The following SETD2 variants were observed in gnomAD, a reference collection of about 807,000 sequenced individuals.
SETD2 encodes the protein histone-lysine N-methyltransferase SETD2.
A neutral mutation model predicts 242.1 loss-of-function variants in SETD2; 31 were observed. That is an observed-to-expected ratio of 0.13 (90% CI 0.10 to 0.17). The LOEUF (loss-of-function observed/expected upper bound fraction) is 0.17. Ranked by LOEUF, SETD2 falls within the 10% of genes least tolerant of loss-of-function variation. SETD2 has a pLI of 1.00. For synonymous variants in SETD2, 1,006 were observed against 1,066.5 expected (o/e 0.94, Z 1.11); for missense variants, 2,481 against 3,046.3 (o/e 0.81, Z 4.37).
intron 7 of SETD2, among the ~76,000 whole-genome samples, chr3:47,102,061 T>C (rs1390698095): frequency 1.3e-5 from 2 of 152,342 alleles, no homozygotes; most frequent in Middle Eastern, 3.4e-3. Flanking sequence ...TGGCTGAGTA[T>C]AGTGAAAGGG....
intron 5 of SETD2, among the ~76,000 whole-genome samples, chr3:47,109,395 C>T (rs1427085336): frequency 1.3e-5 from 2 of 152,100 alleles, no homozygotes; most frequent in African/African-American, 2.4e-5. Context: ...CCTGTAATAC[C>T]AGAACTTTGG....
chr3:47,045,094 A>G (rs2039461086), intron 16 of SETD2, among the ~76,000 whole-genome samples: 1 of 152,202 alleles, frequency 6.6e-6, no homozygotes, highest in African/African-American at 2.4e-5. Flanking sequence ...TGGTCTAGGA[A>G]ATTGTTACTT....
At chr3:47,153,163 T>TTAAAATTTAATTTTA (rs779992484) in intron 1 of SETD2, among the ~76,000 whole-genome samples, 4,606 of 152,160 alleles carry the variant, frequency 0.03, 230 homozygotes, top group East Asian at 0.13. Flanking sequence ...AGTGATTATC[T>TTAAAATTTAATTTTA]AATTTTTAAA....
In SETD2 at chr3:47,123,699, G is replaced by T; in HGVS notation, c.937C>A (p.Gln313Lys). 6.4e-7 allele frequency: 1 copy of T among 1,551,392 alleles called. No individual in the cohort carries two copies. Residue 313 changes from glutamine (Q) to lysine (K), a missense_variant, in exon 3 of 21, where the codon CAA becomes AAA. Gln to Lys is a moderately conservative substitution (Grantham distance 53). Coordinates refer to ENST00000409792, the MANE Select transcript of SETD2 (RefSeq NM_014159.7). ...KKTGSKKKSSQSEGIFLGSES... is the reference protein window; with the variant it reads ...KKTGSKKKSSKSEGIFLGSES... ...GAACCAAGAAAGATGCCTTCAGATT[G>T]TGAGGATTTCTTCTTAGAACCTGTT...
chr3:47,056,012 C>CAAAAAAA (rs1167181294), intron 15 of SETD2, among the ~76,000 whole-genome samples: 7 of 39,556 alleles, frequency 1.8e-4, no homozygotes, highest in Admixed American at 5.2e-4. Flanking sequence ...GACTCCGTCT[C>CAAAAAAA]AAAAAAAAAA....
At chr3:47,050,568 C>T (rs138518076) in intron 15 of SETD2, among the ~76,000 whole-genome samples, 121 of 152,084 alleles carry the variant, frequency 8.0e-4, no homozygotes, top group African/African-American at 2.8e-3. Context: ...AGGAAATACT[C>T]GCTGGAATAT....
chr3:47,111,800 G>A (rs560462700), intron 5 of SETD2, among the ~76,000 whole-genome samples: 7 of 150,534 alleles, frequency 4.7e-5, no homozygotes, highest in Non-Finnish European at 8.9e-5. Flanking sequence ...GAGGATTCCT[G>A]TCATAAAACT....
At chr3:47,128,772 T>C (rs2043409000) in intron 1 of SETD2, among the ~76,000 whole-genome samples, 1 of 152,194 alleles carries the variant, frequency 6.6e-6, no homozygotes, top group Non-Finnish European at 1.5e-5. Context: ...GGTATAATAG[T>C]TTTAACTGAA....
At position 47,056,094 on chromosome 3, in the gene SETD2, T is replaced by A. The variant is rs201403678; in HGVS notation, c.6963+727A>T. On this transcript the variant is annotated intron_variant, in intron 15 of 20. Coordinates refer to ENST00000409792, the MANE Select transcript of SETD2 (RefSeq NM_014159.7). ...AAAAAAAAAGAAAAGAAAACATGAT[T>A]TTTATTTATTTATTTATTTATTTAT... is the stretch of plus-strand genomic sequence containing the variant. Among the ~76,000 whole-genome samples, 23 of 116,418 alleles carry A rather than the reference T, an allele frequency of 2.0e-4. 1 individual carries two copies. Among genetic ancestry groups the A allele is most frequent in the East Asian group, 5.6e-4 (2 of 3,544 alleles). The allele number at this position is 116,418 out of a possible 152,430, so 76.4% of individuals were successfully genotyped here.
chr3:47,032,248 A>G (rs1193261311), intron 18 of SETD2, among the ~76,000 whole-genome samples: 1 of 151,974 alleles, frequency 6.6e-6, no homozygotes, highest in Non-Finnish European at 1.5e-5. Context: ...GTGGTGGCTC[A>G]CACCTATAAT....
chr3:47,044,589 T>C (rs2039439030), intron 16 of SETD2, among the ~76,000 whole-genome samples: 1 of 152,168 alleles, frequency 6.6e-6, no homozygotes, highest in Non-Finnish European at 1.5e-5. Flanking sequence ...GACCATGCTA[T>C]TCTGTTTAGT....
Position 47,086,413 on chromosome 3 carries a change from T to G in SETD2, c.5278-99A>C, listed in dbSNP as rs1188442190. On this transcript the variant is annotated intron_variant, in intron 10 of 20. Transcript: ENST00000409792. The stretch of plus-strand genomic sequence containing the variant: ...GAGTTCATGTATACGTTACACATTA[T>G]AGGGTTCACTTACATTCACAAAAAA... The G allele has an allele frequency of 3.3e-6, 4 of 1,197,476 alleles. No homozygotes were observed. The East Asian group carries it at 1.0e-4, about 31-fold the overall frequency. 74.2% of individuals were successfully genotyped at this position (1,197,476 alleles called of 1,614,324 possible). A position where few individuals can be genotyped will look rare whatever the true frequency, so the allele number is the denominator to read the frequency against.
At chr3:47,153,318 A>G (rs2044041948) in intron 1 of SETD2, among the ~76,000 whole-genome samples, 1 of 151,956 alleles carries the variant, frequency 6.6e-6, no homozygotes, top group Non-Finnish European at 1.5e-5. Flanking sequence ...AAAATTATAC[A>G]AGGTAATTGC....
At chr3:47,028,572 C>G (rs2038612868) in intron 18 of SETD2, among the ~76,000 whole-genome samples, 1 of 152,220 alleles carries the variant, frequency 6.6e-6, no homozygotes, top group Non-Finnish European at 1.5e-5. Context: ...AGTAACTTGA[C>G]TGGCTATCAG....
intron 12 of SETD2, among the ~76,000 whole-genome samples, chr3:47,076,661 A>G (rs2041091389): frequency 6.6e-6 from 1 of 152,244 alleles, no homozygotes. Context: ...GGTTAAGATA[A>G]TTACAGTTGT....
chr3:47,073,669 T>C (rs1302805951), intron 12 of SETD2, among the ~76,000 whole-genome samples: 3 of 152,156 alleles, frequency 2.0e-5, no homozygotes, highest in Non-Finnish European at 4.4e-5. Flanking sequence ...ATCTGTGCAG[T>C]TTTCAGCCAC....
intron 1 of SETD2, among the ~76,000 whole-genome samples, chr3:47,155,993 A>G (rs930213968): frequency 7.9e-5 from 12 of 152,160 alleles, no homozygotes; most frequent in Admixed American, 5.2e-4. Context: ...TCTTGGAAGA[A>G]TTAACAGAAA....
chr3:47,019,118 T>G (rs1365521198), intron 19 of SETD2, among the ~76,000 whole-genome samples: 1 of 152,252 alleles, frequency 6.6e-6, no homozygotes, highest in East Asian at 1.9e-4. Flanking sequence ...AGTGTCTTGA[T>G]GGTTGGTAAG....
chr3:47,095,360 T>G (rs542975955), intron 9 of SETD2, among the ~76,000 whole-genome samples: 4 of 152,116 alleles, frequency 2.6e-5, no homozygotes, highest in Non-Finnish European at 4.4e-5. Flanking sequence ...GGTCTTGAAC[T>G]CCTAACCTCG....
Sources: gnomAD v4.1 joint callset for allele counts (sites outside exome capture counted in the v4.1 genomes callset) on GRCh38, gnomAD v4.1.1 for gene constraint, MANE v1.5 for transcripts, NCBI Gene and HGNC (gene_info 2026-07-23, HGNC 2026-07-21) for gene names.